Variants in CHP1 observed in about 807,000 individuals in gnomAD.
CHP1 encodes the protein calcineurin B homologous protein 1.
Under a neutral mutation model 27.4 loss-of-function variants are expected in CHP1, and 11 were observed. The observed-to-expected ratio is 0.40, with a 90% CI of 0.25 to 0.67. The LOEUF (loss-of-function observed/expected upper bound fraction) is 0.67. Ranked by LOEUF, CHP1 falls within the 30% of genes least tolerant of loss-of-function variation. The pLI is 0.38. For synonymous variants in CHP1, 89 were observed against 87.4 expected, an observed-to-expected ratio of 1.02 and a Z score of -0.10; for missense variants, 169 against 251.3, an observed-to-expected ratio of 0.67 and a Z score of 2.22.
At chr15:41,249,350 G>A (rs915793897) in intron 2 of CHP1, among the ~76,000 whole-genome samples, 2 of 150,668 alleles carry the variant, frequency 1.3e-5, no homozygotes, top group Non-Finnish European at 2.9e-5. Flanking sequence ...AGGAGGTCTC[G>A]CCATGTTCCC....
intron 4 of CHP1, among the ~76,000 whole-genome samples, chr15:41,265,065 G>C (rs560911218): frequency 6.6e-6 from 1 of 152,186 alleles, no homozygotes; most frequent in East Asian, 1.9e-4. Context: ...ATTTACCTTA[G>C]AGAAAGGGGA....
intron 5 of CHP1, 129 bp downstream of exon 5, chr15:41,270,747 A>C: frequency 1.4e-6 from 1 of 691,188 alleles, no homozygotes; most frequent in Non-Finnish European, 2.5e-6. Flanking sequence ...TCCTGGTTAT[A>C]AGACAAAGGA....
chr15:41,277,624 C>G (rs2047525573), intron 5 of CHP1, among the ~76,000 whole-genome samples: 1 of 152,072 alleles, frequency 6.6e-6, no homozygotes, highest in Admixed American at 6.5e-5. Context: ...CCCATCTCTA[C>G]TAAAAATACA....
rs1006277335 is a variant in CHP1 at position 41,271,149 on chromosome 15, G to A, written c.411+531G>A. ...GGGCACCTGTAGTCCCAGCTACTCC[G>A]GAGACTGAGGCAGGAGAATGGCATG... On this transcript the variant is annotated intron_variant, in intron 5 of 6. Transcript: ENST00000334660. Among the ~76,000 whole-genome samples, 4 of 151,796 alleles carry A rather than the reference G, an allele frequency of 2.6e-5. No homozygotes were observed. The South Asian group carries it at 6.3e-4, about 24-fold the overall frequency.
intron 2 of CHP1, among the ~76,000 whole-genome samples, chr15:41,246,272 T>C (rs1203994441): frequency 1.3e-5 from 2 of 152,112 alleles, no homozygotes; most frequent in African/African-American, 2.4e-5. Flanking sequence ...GTTTTTATCA[T>C]GTTTGCTGTG....
At chr15:41,265,999 G>A (rs1261945962) in intron 4 of CHP1, among the ~76,000 whole-genome samples, 2 of 151,568 alleles carry the variant, frequency 1.3e-5, no homozygotes, top group Admixed American at 6.6e-5. Context: ...AATGCTTTCT[G>A]TAGGCCAGGC....
At position 41,245,373 on chromosome 15, in the gene CHP1, C is replaced by T. The variant is rs541319116; in HGVS notation, c.140+1634C>T. On this transcript the variant is annotated intron_variant, in intron 2 of 6. Transcript: ENST00000334660. The stretch of plus-strand genomic sequence containing the variant: ...GTGGGCGCCTGTAATCCAAGCTACT[C>T]AGGAGGCTGAGGCAGGAGAATTGCT... 4.6e-5 allele frequency among the ~76,000 whole-genome samples: 7 copies of T among 152,234 alleles called. No individual in the cohort carries two copies. In the East Asian group the frequency reaches 1.4e-3, roughly 29 times the overall value.
At chr15:41,246,008 A>AT (rs917252198) in intron 2 of CHP1, among the ~76,000 whole-genome samples, 35 of 150,384 alleles carry the variant, frequency 2.3e-4, no homozygotes, top group East Asian at 7.8e-4. Context: ...GTCCAACATC[A>AT]TTTTTTTTTG....
intron 2 of CHP1, among the ~76,000 whole-genome samples, chr15:41,244,112 T>G (rs1184801271): frequency 1.3e-5 from 2 of 151,124 alleles, no homozygotes; most frequent in African/African-American, 4.9e-5. Context: ...GTAGGAGAAT[T>G]GCTTGAACCC....
In CHP1 at chr15:41,272,007, G is replaced by A. The variant is rs541646703; in HGVS notation, c.411+1389G>A. On this transcript the variant is annotated intron_variant, in intron 5 of 6. Transcript: ENST00000334660. Reference sequence around the variant, plus strand: ...CTCTCAAAGTGTTGGGATTACAGGCGTGAGCCACCACGCCCGGCCCATGTT... The same window carrying A: ...CTCTCAAAGTGTTGGGATTACAGGCATGAGCCACCACGCCCGGCCCATGTT... Among the ~76,000 whole-genome samples, 59 of 150,088 alleles carry A rather than the reference G, an allele frequency of 3.9e-4. 2 individuals carry two copies. The South Asian group carries it at 0.012, about 30-fold the overall frequency.
At chr15:41,244,667 A>C (rs1221902637) in intron 2 of CHP1, among the ~76,000 whole-genome samples, 1 of 152,156 alleles carries the variant, frequency 6.6e-6, no homozygotes, top group Non-Finnish European at 1.5e-5. Flanking sequence ...CATGACAAAT[A>C]ATTATTCTGG....
intron 2 of CHP1, among the ~76,000 whole-genome samples, 189 bp downstream of exon 2, chr15:41,243,928 C>T (rs1425040214): frequency 3.3e-5 from 5 of 152,110 alleles, no homozygotes; most frequent in East Asian, 3.9e-4. Flanking sequence ...AGGCTGGGCG[C>T]GGTGGCTCAC....
chr15:41,278,329 T>A (rs1167579849), intron 5 of CHP1, among the ~76,000 whole-genome samples: 11 of 123,188 alleles, frequency 8.9e-5, no homozygotes, highest in Non-Finnish European at 1.5e-4. Context: ...TGAGACTCCG[T>A]CTCAAAAAAA....
At chr15:41,240,443 G>A (rs1036702080) in intron 1 of CHP1, among the ~76,000 whole-genome samples, 3 of 152,060 alleles carry the variant, frequency 2.0e-5, no homozygotes, top group African/African-American at 7.2e-5. Context: ...TAAAGTACAC[G>A]AGTAACTGAT....
chr15:41,265,983 TATA>T (rs1018722543), intron 4 of CHP1, among the ~76,000 whole-genome samples: 5 of 152,072 alleles, frequency 3.3e-5, no homozygotes, highest in African/African-American at 1.2e-4. Flanking sequence ...TTGGTGAGGT[TATA>T]ATAATGCTTT....
intron 6 of CHP1, 30 bp from the exon 7 acceptor site, chr15:41,279,306 T>C: frequency 6.3e-7 from 1 of 1,577,656 alleles, no homozygotes; most frequent in Non-Finnish European, 8.7e-7. Flanking sequence ...CTTCATAACC[T>C]TTGTAACTGT....
intron 3 of CHP1, among the ~76,000 whole-genome samples, chr15:41,258,954 A>G (rs2047417354): frequency 6.6e-6 from 1 of 152,240 alleles, no homozygotes; most frequent in Non-Finnish European, 1.5e-5. Context: ...TGTGAGTGAA[A>G]GTCAGAAGGG....
chr15:41,263,958 C>G (rs2047446595), intron 4 of CHP1, among the ~76,000 whole-genome samples: 1 of 152,148 alleles, frequency 6.6e-6, no homozygotes, highest in South Asian at 2.1e-4. Flanking sequence ...CTTTAGCTGA[C>G]TCAGCTGGCT....
rs1329862188 is a variant in CHP1 at position 41,243,087 on chromosome 15, C to A, written c.68-580C>A. On this transcript the variant is annotated intron_variant, in intron 1 of 6. Coordinates refer to ENST00000334660, the MANE Select transcript of CHP1 (RefSeq NM_007236.5). ...GGGCATGGTGGCTCACACCTATAATCCCAGCAGTTTGGGAGGCTGAGGCGA... is the reference window on the plus strand; with the variant it reads ...GGGCATGGTGGCTCACACCTATAATACCAGCAGTTTGGGAGGCTGAGGCGA... 3.3e-5 allele frequency among the ~76,000 whole-genome samples: 5 copies of A among 152,238 alleles called. 1 individual carries two copies. The South Asian group carries it at 6.2e-4, about 19-fold the overall frequency.
Sources: allele counts gnomAD v4.1 joint callset (sites outside exome capture counted in the v4.1 genomes callset), GRCh38; gene constraint gnomAD v4.1.1; transcripts MANE v1.5; gene names NCBI Gene and HGNC (gene_info 2026-07-23, HGNC 2026-07-21).